Variants in SDK2 observed in about 807,000 individuals in gnomAD.
SDK2 encodes protein sidekick-2.
A neutral mutation model predicts 253.9 loss-of-function variants in SDK2; 105 were observed. The ratio of observed to expected loss-of-function variants is 0.41; its 90% CI spans 0.35 to 0.49. The LOEUF (loss-of-function observed/expected upper bound fraction) is 0.49, where lower values mean the gene tolerates loss of function less well. Among genes scored for constraint, SDK2 ranks in the 20% least tolerant of loss-of-function variants. SDK2 has a pLI of 0.06. For synonymous variants in SDK2, 1,249 were observed against 1,234.9 expected (o/e 1.01, Z -0.24); for missense variants, 2,608 against 3,003.0 (o/e 0.87, Z 3.07).
rs1294078246 is a variant in SDK2, at chr17:73,379,993, G to A, written c.4763-444C>T. ...CGGGGCTCAGCTCCAGGGGGGAGGG[G>A]CGCATTGGATGTGAATTCTGGACTA... is the stretch of plus-strand genomic sequence containing the variant. On this transcript the variant is annotated intron_variant, in intron 34 of 44. Coordinates refer to ENST00000392650, the MANE Select transcript of SDK2 (RefSeq NM_001144952.2). This position sits in a 1 kb window ranked among gnomAD's most constrained non-coding sequence, Gnocchi z 4.5. 6.6e-6 allele frequency among the ~76,000 whole-genome samples: 1 copy of A among 152,096 alleles called. No homozygotes were observed. Among genetic ancestry groups the A allele is most frequent in the African/African-American group, 2.4e-5 (1 of 41,400 alleles).
At chr17:73,560,180 C>G (rs1458916234) in intron 1 of SDK2, among the ~76,000 whole-genome samples, 1 of 152,204 alleles carries the variant, frequency 6.6e-6, no homozygotes, top group African/African-American at 2.4e-5. Flanking sequence ...TGCAGTCACT[C>G]CTAGTGCCAC....
At chr17:73,420,531 A>G (rs1358881430) in intron 15 of SDK2, among the ~76,000 whole-genome samples, 1 of 151,912 alleles carries the variant, frequency 6.6e-6, no homozygotes, top group Admixed American at 6.6e-5. Flanking sequence ...GGGTTTCATC[A>G]TGTTGGCCAG....
intron 30 of SDK2, among the ~76,000 whole-genome samples, 157 bp downstream of exon 30, chr17:73,387,679 G>A (rs2062884077): frequency 6.6e-6 from 1 of 152,206 alleles, no homozygotes; most frequent in African/African-American, 2.4e-5. Flanking sequence ...TTGCGAGGGT[G>A]AGAGTGGACG....
Position 73,393,716 on chromosome 17 carries a change from G to A in SDK2, c.3742C>T (p.Pro1248Ser). The A allele has an allele frequency of 6.3e-7, 1 of 1,587,810 alleles. No individual in the cohort carries two copies. Among genetic ancestry groups the A allele is most frequent in the Non-Finnish European group, 8.6e-7 (1 of 1,160,786 alleles). Residue 1248 changes from proline to serine, a missense_variant, in exon 27 of 45, where the codon CCC (proline) becomes TCC (serine). Physicochemically the swap from Pro to Ser is moderately conservative, Grantham distance 74 (BLOSUM62 -1). Coordinates refer to ENST00000392650, the MANE Select transcript of SDK2 (RefSeq NM_001144952.2). Reference protein sequence around the residue: ...MYKEKDSDTQPRFWLVEGNSS... With the variant: ...MYKEKDSDTQSRFWLVEGNSS... ...TTGCCTTCCACCAGCCAGAATCGGG[G>A]CTGGGTGTCCGAGTCCTTCTCCTTA...
chr17:73,606,536 G>T (rs1040571005), intron 1 of SDK2, among the ~76,000 whole-genome samples: 3 of 152,164 alleles, frequency 2.0e-5, no homozygotes, highest in African/African-American at 7.2e-5. Context: ...TAACCCTTAC[G>T]ACAGCCACGA....
chr17:73,592,720 G>A (rs2279967), intron 1 of SDK2, among the ~76,000 whole-genome samples: 50,421 of 152,072 alleles, frequency 0.33, 9,414 homozygotes, highest in African/African-American at 0.51. Flanking sequence ...ACGGGAAGAC[G>A]GAACAGTCAG....
At chr17:73,437,624 C>T in intron 8 of SDK2, 115 bp downstream of exon 8, 3 of 904,006 alleles carry the variant, frequency 3.3e-6, no homozygotes, top group Non-Finnish European at 3.7e-6. Flanking sequence ...GACAGACTCT[C>T]TGCCTAGTGA....
At chr17:73,556,060 G>C (rs955942922) in intron 1 of SDK2, among the ~76,000 whole-genome samples, 2 of 152,120 alleles carry the variant, frequency 1.3e-5, no homozygotes, top group Admixed American at 1.3e-4. Flanking sequence ...CATGGGGCTT[G>C]GGCTTGGGGT....
intron 1 of SDK2, among the ~76,000 whole-genome samples, chr17:73,578,168 C>T (rs1288278675): frequency 1.3e-5 from 2 of 151,926 alleles, no homozygotes; most frequent in Non-Finnish European, 2.9e-5. Context: ...CAAGCAATTC[C>T]CCTGCCTCAA....
chr17:73,497,983 C>T (rs2063856577), intron 2 of SDK2, among the ~76,000 whole-genome samples: 1 of 152,146 alleles, frequency 6.6e-6, no homozygotes, highest in Non-Finnish European at 1.5e-5. Flanking sequence ...GCCCTGGCTA[C>T]CTCCACTCAT....
chr17:73,608,656 T>G (rs2045936902), intron 1 of SDK2, among the ~76,000 whole-genome samples: 1 of 152,168 alleles, frequency 6.6e-6, no homozygotes, highest in African/African-American at 2.4e-5. Flanking sequence ...TTGGCCAGGT[T>G]GGTCTTGAAC....
chr17:73,470,166 G>A (rs1482221132), intron 3 of SDK2, among the ~76,000 whole-genome samples: 1 of 152,066 alleles, frequency 6.6e-6, no homozygotes, highest in African/African-American at 2.4e-5. Context: ...TACATGCAAT[G>A]CAAGGGCACA....
Position 73,390,410 on chromosome 17 carries a change from C to A in SDK2, c.4069G>T (p.Ala1357Ser), listed in dbSNP as rs201007116. The A allele has an allele frequency of 2.3e-5, 37 of 1,612,630 alleles. No individual in the cohort carries two copies. In the South Asian group the frequency reaches 3.6e-4, roughly 16 times the overall value. The part of the protein sequence containing the change: ...TATVEVLAPS[A>S]RQYTATGLKP... Reference sequence around the variant, plus strand: ...AGGCCCGTGGCTGTGTACTGCCGGGCGCTGGGTGCCAGCACCTCCACAGTG... The same window carrying A: ...AGGCCCGTGGCTGTGTACTGCCGGGAGCTGGGTGCCAGCACCTCCACAGTG... Residue 1357 changes from alanine (A) to serine (S), a missense_variant, in exon 29 of 45, where the codon GCC (alanine) becomes TCC (serine). By Grantham distance (99) the Ala-to-Ser change is moderately conservative. Transcript: ENST00000392650.
At chr17:73,493,897 C>T (rs1055378335) in intron 2 of SDK2, among the ~76,000 whole-genome samples, 1 of 152,102 alleles carries the variant, frequency 6.6e-6, no homozygotes, top group African/African-American at 2.4e-5. Flanking sequence ...AAATGTCCTC[C>T]CCGTCCCACC....
rs532860570 is a variant in SDK2, at chr17:73,430,627, C to G, written c.1481-14G>C. 6.6e-7 allele frequency: 1 copy of G among 1,515,890 alleles called. No individual in the cohort carries two copies. The highest frequency in any genetic ancestry group is 8.9e-7 in the Non-Finnish European group (1 of 1,126,674). 93.9% of individuals were successfully genotyped at this position (1,515,890 alleles called of 1,614,324 possible). On this transcript the variant is annotated splice_polypyrimidine_tract_variant and intron_variant, in intron 11 of 44. Coordinates refer to ENST00000392650, the MANE Select transcript of SDK2 (RefSeq NM_001144952.2). ...TGCGGGTCCGAGCTGAAAGATACAGCGGAGACAGCATGGTGAGAAGAGGTG... is the reference window on the plus strand; with the variant it reads ...TGCGGGTCCGAGCTGAAAGATACAGGGGAGACAGCATGGTGAGAAGAGGTG...
At chr17:73,369,850 T>C (rs1420679112) in intron 36 of SDK2, among the ~76,000 whole-genome samples, 2 of 152,184 alleles carry the variant, frequency 1.3e-5, no homozygotes, top group African/African-American at 2.4e-5. Flanking sequence ...TTCACCGTGT[T>C]AGCCAGGATG....
intron 1 of SDK2, among the ~76,000 whole-genome samples, chr17:73,630,884 C>T (rs990367510): frequency 6.6e-6 from 1 of 151,752 alleles, no homozygotes; most frequent in African/African-American, 2.4e-5. Flanking sequence ...CACCGCCCCT[C>T]CCTGAAGCAG....
chr17:73,502,830 T>A (rs1313467587), intron 2 of SDK2, among the ~76,000 whole-genome samples: 1 of 152,154 alleles, frequency 6.6e-6, no homozygotes. Context: ...TATAGTCCAC[T>A]CATCAATAAC....
At position 73,617,665 on chromosome 17, in the gene SDK2, TC is replaced by T. The variant is rs2046079013; in HGVS notation, c.64+26359del. 3.3e-5 allele frequency among the ~76,000 whole-genome samples: 5 copies of T among 152,150 alleles called. No individual in the cohort carries two copies. In the South Asian group the frequency reaches 1.0e-3, roughly 31 times the overall value. ...AACCCCCTGCCAATACAACTCCATC[TC>T]CTGGAGAATTAACTGGCTCTCCTGA... On this transcript the variant is annotated intron_variant, in intron 1 of 44. Transcript: ENST00000392650.
Sources: gnomAD v4.1 joint callset for allele counts (sites outside exome capture counted in the v4.1 genomes callset) on GRCh38, gnomAD v4.1.1 for gene constraint, Gnocchi (gnomAD v3.1) non-coding constraint, MANE v1.5 for transcripts, NCBI Gene and HGNC (gene_info 2026-07-23, HGNC 2026-07-21) for gene names.